MBNL2: variants seen among roughly 807,000 people sequenced by gnomAD.
MBNL2 encodes the protein muscleblind-like protein 2.
MBNL2 carries 17 observed loss-of-function variants against 41.9 expected under a neutral mutation model. That is an observed-to-expected ratio of 0.41 (90% confidence interval 0.28 to 0.61). MBNL2 has a LOEUF of 0.61. Among genes scored for constraint, MBNL2 ranks in the 20% least tolerant of loss-of-function variants. The pLI is 0.35. For missense variants in MBNL2, 336 were observed against 505.6 expected (o/e 0.66, Z 3.22); for synonymous variants, 195 against 182.9 (o/e 1.07, Z -0.53).
At chr13:97,348,249 A>C (rs771353728) in intron 5 of MBNL2, among the ~76,000 whole-genome samples, 3 of 151,800 alleles carry the variant, frequency 2.0e-5, no homozygotes, top group Non-Finnish European at 2.9e-5. Flanking sequence ...TTGTAGAGAC[A>C]GGGTCTCACC....
intron 1 of MBNL2, among the ~76,000 whole-genome samples, chr13:97,266,921 C>G (rs1453147712): frequency 3.3e-5 from 5 of 152,074 alleles, no homozygotes; most frequent in African/African-American, 9.7e-5. Context: ...TTGCAAAGAT[C>G]CTTTAATCAG....
chr13:97,360,425 T>G (rs1050159844), intron 7 of MBNL2, among the ~76,000 whole-genome samples: 1 of 152,212 alleles, frequency 6.6e-6, no homozygotes, highest in Admixed American at 6.5e-5. Flanking sequence ...TTTTTTTTTC[T>G]TTTTTCATTG....
At chr13:97,161,176 A>C in the MBNL2 span, among the ~76,000 whole-genome samples, 1 of 152,176 alleles carries the variant, frequency 6.6e-6, no homozygotes, top group Non-Finnish European at 1.5e-5. Flanking sequence ...CTTTTACTGA[A>C]GCCAACACAG....
chr13:97,283,514 T>C (rs921975593), intron 2 of MBNL2, among the ~76,000 whole-genome samples: 1 of 152,222 alleles, frequency 6.6e-6, no homozygotes, highest in African/African-American at 2.4e-5. Flanking sequence ...TTTTTTGTTG[T>C]TGTTTTTCAG....
intron 2 of MBNL2, among the ~76,000 whole-genome samples, chr13:97,291,258 T>A (rs1268108614): frequency 6.6e-6 from 1 of 151,988 alleles, no homozygotes; most frequent in Non-Finnish European, 1.5e-5. Flanking sequence ...TATTATTATT[T>A]TGAGACAGAG....
the MBNL2 span, among the ~76,000 whole-genome samples, chr13:97,176,591 A>G: frequency 6.6e-6 from 1 of 152,164 alleles, no homozygotes; most frequent in Admixed American, 6.6e-5. Context: ...CCACGAATGT[A>G]TTGCAAGAGG....
intron 5 of MBNL2, among the ~76,000 whole-genome samples, chr13:97,356,187 A>T (rs1425952558): frequency 2.0e-5 from 3 of 152,180 alleles, no homozygotes; most frequent in Non-Finnish European, 4.4e-5. Flanking sequence ...TCAGACAAAA[A>T]ATAAAGATCC....
chr13:97,153,316 T>C, the MBNL2 span, among the ~76,000 whole-genome samples: 1 of 151,316 alleles, frequency 6.6e-6, no homozygotes, highest in African/African-American at 2.5e-5. Flanking sequence ...TGAGCGTGTG[T>C]GTGAGTGTGT....
chr13:97,330,216 A>G (rs911338209), intron 2 of MBNL2, among the ~76,000 whole-genome samples: 2 of 152,198 alleles, frequency 1.3e-5, no homozygotes, highest in Non-Finnish European at 2.9e-5. Context: ...CTGGTTCCAT[A>G]CCTGGCATGT....
chr13:97,244,619 C>A (rs2045066455), intron 1 of MBNL2, among the ~76,000 whole-genome samples: 1 of 152,176 alleles, frequency 6.6e-6, no homozygotes, highest in African/African-American at 2.4e-5. Context: ...TCTTCATTGA[C>A]TTTGTAATCT....
intron 2 of MBNL2, among the ~76,000 whole-genome samples, chr13:97,287,813 C>A (rs1309930486): frequency 7.3e-6 from 1 of 136,952 alleles, no homozygotes; most frequent in Non-Finnish European, 1.6e-5. Context: ...GCAACCTCCG[C>A]CTCCTGGGTT....
At chr13:97,276,854 G>A (rs1024052485) in intron 2 of MBNL2, among the ~76,000 whole-genome samples, 4 of 149,978 alleles carry the variant, frequency 2.7e-5, no homozygotes, top group African/African-American at 4.9e-5. Flanking sequence ...TTCCTAAAAC[G>A]CTTTTCTGAA....
chr13:97,369,457 A>T (rs1035199481), intron 8 of MBNL2, among the ~76,000 whole-genome samples: 6 of 152,238 alleles, frequency 3.9e-5, no homozygotes, highest in African/African-American at 1.4e-4. Context: ...TGAAAGTGAA[A>T]CTAATGATTC....
chr13:97,282,489 TTC>T (rs1594144267), intron 2 of MBNL2, among the ~76,000 whole-genome samples: 1 of 152,280 alleles, frequency 6.6e-6, no homozygotes, highest in African/African-American at 2.4e-5. Context: ...TTGTATTTGT[TTC>T]TGTTTTTGTC....
intron 2 of MBNL2, among the ~76,000 whole-genome samples, chr13:97,290,820 T>G (rs1469132462): frequency 1.2e-4 from 19 of 152,198 alleles, no homozygotes; most frequent in Non-Finnish European, 2.2e-4. Flanking sequence ...GGAAGACTTT[T>G]GCAGAAAGGG....
chr13:97,336,250 G>A (rs1159001712), intron 3 of MBNL2, among the ~76,000 whole-genome samples: 1 of 151,946 alleles, frequency 6.6e-6, no homozygotes, highest in African/African-American at 2.4e-5. Context: ...TTAAATCACT[G>A]GAAGTATTAG....
At chr13:97,293,967 C>T (rs910133542) in intron 2 of MBNL2, among the ~76,000 whole-genome samples, 5 of 152,050 alleles carry the variant, frequency 3.3e-5, no homozygotes, top group East Asian at 1.9e-4. Flanking sequence ...TCCTTTCCCC[C>T]GAGTCCCCAA....
intron 2 of MBNL2, among the ~76,000 whole-genome samples, chr13:97,312,385 A>G (rs2058690924): frequency 6.6e-6 from 1 of 152,058 alleles, no homozygotes; most frequent in Admixed American, 6.5e-5. Context: ...ACTTTTCCTT[A>G]TTTCATGTTT....
rs374096355 is a variant in MBNL2, at chr13:97,367,538, C to T, written c.1048+2367C>T. Among the ~76,000 whole-genome samples the T allele has an allele frequency of 1.9e-3, 284 of 152,282 alleles. 1 individual carries two copies. Among genetic ancestry groups the T allele is most frequent in the African/African-American group, 6.4e-3 (266 of 41,546 alleles). ...TTGGGGGATCACGGCAGTCCCAACCCGCATTCTGCAGGCTGGGAGGGCTGA... is the reference window on the plus strand; with the variant it reads ...TTGGGGGATCACGGCAGTCCCAACCTGCATTCTGCAGGCTGGGAGGGCTGA... On this transcript the variant is annotated intron_variant, in intron 8 of 8. Coordinates refer to ENST00000679496, the MANE Select transcript of MBNL2 (RefSeq NM_001382683.1).
Sources: allele counts gnomAD v4.1 joint callset (sites outside exome capture counted in the v4.1 genomes callset), GRCh38; gene constraint gnomAD v4.1.1; transcripts MANE v1.5; gene names NCBI Gene and HGNC (gene_info 2026-07-23, HGNC 2026-07-21).